The following AFG2A variants were observed in gnomAD, a reference collection of about 807,000 sequenced individuals.
The protein encoded by AFG2A is ATPase family gene 2 protein homolog A.
chr4:122,979,295 G>A, the AFG2A span: 1 of 1,614,228 alleles, frequency 6.2e-7, no homozygotes, highest in Non-Finnish European at 8.5e-7. Context: ...AAGGTGGCTG[G>A]ACTGGTGAAG....
chr4:123,117,795 T>C, the AFG2A span, among the ~76,000 whole-genome samples: 1 of 151,956 alleles, frequency 6.6e-6, no homozygotes, highest in Non-Finnish European at 1.5e-5. Flanking sequence ...AGGTGTCTCT[T>C]TGGTGGAGAC....
chr4:123,157,868 C>T, the AFG2A span, among the ~76,000 whole-genome samples: 6 of 152,134 alleles, frequency 3.9e-5, no homozygotes, highest in Non-Finnish European at 5.9e-5. Flanking sequence ...TTAAAAGAAT[C>T]CTAGAGTCAC....
At chr4:123,023,550 A>T in the AFG2A span, among the ~76,000 whole-genome samples, 4 of 152,192 alleles carry the variant, frequency 2.6e-5, no homozygotes, top group Admixed American at 6.5e-5. Context: ...CATTGTCACT[A>T]GGAGAGTTGG....
At chr4:123,161,793 A>T in the AFG2A span, among the ~76,000 whole-genome samples, 1 of 152,190 alleles carries the variant, frequency 6.6e-6, no homozygotes, top group Non-Finnish European at 1.5e-5. Flanking sequence ...GGAAAGAAAT[A>T]TAAGACAAGA....
the AFG2A span, among the ~76,000 whole-genome samples, chr4:122,995,174 T>A: frequency 2.0e-5 from 3 of 152,182 alleles, no homozygotes; most frequent in Non-Finnish European, 4.4e-5. Context: ...TATTTTATTT[T>A]TTTACAGGCT....
chr4:123,193,280 A>C, the AFG2A span, among the ~76,000 whole-genome samples: 2 of 152,216 alleles, frequency 1.3e-5, no homozygotes, highest in African/African-American at 4.8e-5. Flanking sequence ...AACTTTAAAA[A>C]ATGCTCCAGA....
chr4:123,093,907 A>G, the AFG2A span, among the ~76,000 whole-genome samples: 6 of 152,242 alleles, frequency 3.9e-5, no homozygotes, highest in African/African-American at 1.4e-4. Context: ...AAGGAAGAGA[A>G]AACTTAATGC....
At chr4:122,996,093 T>G in the AFG2A span, among the ~76,000 whole-genome samples, 2 of 152,226 alleles carry the variant, frequency 1.3e-5, no homozygotes, top group Admixed American at 1.3e-4. Context: ...ATCTCTAGTA[T>G]GAAATCTGTG....
the AFG2A span, among the ~76,000 whole-genome samples, chr4:123,069,584 A>G: frequency 6.6e-6 from 1 of 152,264 alleles, no homozygotes; most frequent in African/African-American, 2.4e-5. Flanking sequence ...TTGTTGGCCT[A>G]TTTCCTGAGC....
the AFG2A span, among the ~76,000 whole-genome samples, chr4:123,111,018 A>G: frequency 6.6e-6 from 1 of 152,248 alleles, no homozygotes; most frequent in African/African-American, 2.4e-5. Context: ...TTTAAAATTT[A>G]AATTTTCATA....
At chr4:122,946,378 CAT>C in the AFG2A span, among the ~76,000 whole-genome samples, 999 of 152,324 alleles carry the variant, frequency 6.6e-3, 5 homozygotes, top group African/African-American at 0.022. Flanking sequence ...GGAATGGAAA[CAT>C]GTGATACTGA....
At chr4:122,994,334 T>G in the AFG2A span, among the ~76,000 whole-genome samples, 3 of 152,146 alleles carry the variant, frequency 2.0e-5, no homozygotes, top group Admixed American at 1.3e-4. Flanking sequence ...CTATTAAAAA[T>G]TCTTATTTTA....
At chr4:122,940,798 T>C in the AFG2A span, among the ~76,000 whole-genome samples, 1 of 151,350 alleles carries the variant, frequency 6.6e-6, no homozygotes, top group South Asian at 2.1e-4. Flanking sequence ...CCATCTTGAA[T>C]TAATTTTTGT....
the AFG2A span, among the ~76,000 whole-genome samples, chr4:122,947,750 G>A: frequency 6.6e-6 from 1 of 151,894 alleles, no homozygotes; most frequent in Non-Finnish European, 1.5e-5. Context: ...CCATATCCTT[G>A]GGCTCAGCAT....
chr4:123,055,939 T>C, the AFG2A span, among the ~76,000 whole-genome samples: 8,211 of 152,288 alleles, frequency 0.054, 530 homozygotes, highest in African/African-American at 0.16. Flanking sequence ...TTACAATATT[T>C]GATATTCTAG....
chr4:123,002,256 C>A, the AFG2A span, among the ~76,000 whole-genome samples: 2 of 151,954 alleles, frequency 1.3e-5, no homozygotes, highest in South Asian at 4.2e-4. Flanking sequence ...GACTCTTTAT[C>A]CAATTTGCCA....
chr4:123,060,148 G>A, the AFG2A span, among the ~76,000 whole-genome samples: 2 of 152,234 alleles, frequency 1.3e-5, no homozygotes. Flanking sequence ...GCAGGGTACA[G>A]CCTCCCTCTG....
the AFG2A span, chr4:122,947,407 A>G: frequency 6.2e-7 from 1 of 1,613,934 alleles, no homozygotes; most frequent in Non-Finnish European, 8.5e-7. Context: ...CCATTTGCTC[A>G]CTGAGGCTGA....
At chr4:123,136,814 C>T in the AFG2A span, among the ~76,000 whole-genome samples, 1 of 150,780 alleles carries the variant, frequency 6.6e-6, no homozygotes, top group Non-Finnish European at 1.5e-5. Flanking sequence ...TACACTCCAG[C>T]CTGGGCAACA....
Sources: allele counts gnomAD v4.1 joint callset (sites outside exome capture counted in the v4.1 genomes callset), GRCh38; gene constraint gnomAD v4.1.1; transcripts MANE v1.5; gene names NCBI Gene and HGNC (gene_info 2026-07-23, HGNC 2026-07-21).